AKR1C8: variants seen among roughly 807,000 people sequenced by gnomAD.
AKR1C8 encodes aldo-keto reductase family 1 member C-like protein 1.
At chr10:5,179,113 G>C in the AKR1C8 span, among the ~76,000 whole-genome samples, 2 of 152,232 alleles carry the variant, frequency 1.3e-5, no homozygotes, top group Admixed American at 1.3e-4. Flanking sequence ...GCAGTGGCTG[G>C]TACTGGTTGT....
the AKR1C8 span, chr10:5,155,716 A>G: frequency 2.1e-6 from 1 of 477,100 alleles, no homozygotes. Flanking sequence ...TGAGGCCATC[A>G]ATGGCTTTCA....
At chr10:5,117,481 G>T in the AKR1C8 span, among the ~76,000 whole-genome samples, 2 of 152,068 alleles carry the variant, frequency 1.3e-5, no homozygotes, top group Admixed American at 6.6e-5. Context: ...TGTCACAAAT[G>T]GTATGTCTGT....
the AKR1C8 span, chr10:5,123,833 A>G: frequency 6.2e-7 from 1 of 1,605,336 alleles, no homozygotes; most frequent in South Asian, 1.1e-5. Context: ...GCAGATGACA[A>G]AGATAGAAAA....
chr10:5,125,860 C>T, the AKR1C8 span, among the ~76,000 whole-genome samples: 1 of 152,134 alleles, frequency 6.6e-6, no homozygotes, highest in African/African-American at 2.4e-5. Context: ...AGCACTAGCC[C>T]AGAGTTGGGC....
chr10:5,117,582 T>C, the AKR1C8 span, among the ~76,000 whole-genome samples: 17 of 152,266 alleles, frequency 1.1e-4, no homozygotes, highest in East Asian at 3.3e-3. Context: ...TGTGTTGCTA[T>C]AAAGGAATAC....
At chr10:5,162,819 T>G in the AKR1C8 span, 4 of 492,296 alleles carry the variant, frequency 8.1e-6, no homozygotes, top group Non-Finnish European at 1.7e-5. Context: ...GAACTTATAG[T>G]GGCCTCTGGC....
the AKR1C8 span, among the ~76,000 whole-genome samples, chr10:5,160,332 G>A: frequency 6.6e-6 from 1 of 151,960 alleles, no homozygotes; most frequent in Non-Finnish European, 1.5e-5. Flanking sequence ...GGAGACTCTT[G>A]GGTTTTCTGT....
the AKR1C8 span, chr10:5,155,849 A>G: frequency 1.3e-5 from 5 of 385,964 alleles, no homozygotes; most frequent in South Asian, 1.0e-4. Flanking sequence ...AGAGGCAAGG[A>G]TGGCATTGGG....
At chr10:5,177,133 T>G in the AKR1C8 span, among the ~76,000 whole-genome samples, 1 of 152,204 alleles carries the variant, frequency 6.6e-6, no homozygotes, top group Non-Finnish European at 1.5e-5. Flanking sequence ...ATAGCTCTTA[T>G]TATTTTGAGA....
At chr10:5,179,656 T>C in the AKR1C8 span, among the ~76,000 whole-genome samples, 1 of 38,490 alleles carries the variant, frequency 2.6e-5, no homozygotes, top group Non-Finnish European at 5.0e-5. Flanking sequence ...AGTCCCATAT[T>C]TCTTGGAGGC....
At chr10:5,136,969 C>T in the AKR1C8 span, among the ~76,000 whole-genome samples, 2 of 151,958 alleles carry the variant, frequency 1.3e-5, no homozygotes, top group Non-Finnish European at 2.9e-5. Context: ...AAGCAAATAC[C>T]ACAATAAAAT....
At chr10:5,145,912 G>C in the AKR1C8 span, among the ~76,000 whole-genome samples, 1 of 151,872 alleles carries the variant, frequency 6.6e-6, no homozygotes, top group African/African-American at 2.4e-5. Flanking sequence ...TGTTTATTGC[G>C]GCACTATTCA....
At chr10:5,176,296 G>A in the AKR1C8 span, among the ~76,000 whole-genome samples, 12 of 119,462 alleles carry the variant, frequency 1.0e-4, no homozygotes, top group African/African-American at 2.3e-4. Flanking sequence ...GTAGATATGC[G>A]GCATTATTTC....
the AKR1C8 span, among the ~76,000 whole-genome samples, chr10:5,170,472 T>C: frequency 2.0e-5 from 3 of 152,224 alleles, no homozygotes; most frequent in Admixed American, 6.6e-5. Flanking sequence ...TAAATTAGCT[T>C]TGATGGAACT....
At chr10:5,156,116 TG>T in the AKR1C8 span, among the ~76,000 whole-genome samples, 1 of 152,182 alleles carries the variant, frequency 6.6e-6, no homozygotes, top group African/African-American at 2.4e-5. Flanking sequence ...TGTCCACACT[TG>T]GTCAGGGATT....
At chr10:5,120,986 A>C in the AKR1C8 span, among the ~76,000 whole-genome samples, 1 of 152,180 alleles carries the variant, frequency 6.6e-6, no homozygotes, top group African/African-American at 2.4e-5. Context: ...TAATATAATG[A>C]ATCAAGGGAT....
the AKR1C8 span, among the ~76,000 whole-genome samples, chr10:5,173,804 T>C: frequency 7.2e-5 from 11 of 152,246 alleles, no homozygotes; most frequent in African/African-American, 1.2e-4. Context: ...ATTGAAACTA[T>C]AGGTATATTT....
chr10:5,150,630 T>A, the AKR1C8 span, among the ~76,000 whole-genome samples: 1 of 152,256 alleles, frequency 6.6e-6, no homozygotes, highest in South Asian at 2.1e-4. Flanking sequence ...AACTTGAACT[T>A]TTGATTTTTG....
the AKR1C8 span, among the ~76,000 whole-genome samples, chr10:5,182,337 C>T: frequency 7.3e-4 from 111 of 152,208 alleles, no homozygotes; most frequent in African/African-American, 2.1e-3. Context: ...ACTTAACTTC[C>T]GAAACCAATA....
Sources: gnomAD v4.1 joint callset for allele counts (sites outside exome capture counted in the v4.1 genomes callset) on GRCh38, gnomAD v4.1.1 for gene constraint, MANE v1.5 for transcripts, NCBI Gene and HGNC (gene_info 2026-07-23, HGNC 2026-07-21) for gene names.